HMGA2: variants seen among roughly 807,000 people sequenced by gnomAD.
The protein encoded by HMGA2 is high mobility group protein HMGI-C.
A neutral mutation model predicts 19.1 loss-of-function variants in HMGA2; 8 were observed. That is an observed-to-expected ratio of 0.42 (90% CI 0.25 to 0.76). The LOEUF is 0.76. HMGA2 is among the 30% of genes least tolerant of loss of function. The pLI, the probability that HMGA2 is intolerant of heterozygous loss-of-function variation, is 0.28. For missense variants in HMGA2, 109 were observed against 136.3 expected (o/e 0.80, Z 1.00); for synonymous variants, 60 against 48.8 (o/e 1.23, Z -0.96).
intron 3 of HMGA2, among the ~76,000 whole-genome samples, chr12:65,862,719 G>A (rs1467906261): frequency 6.6e-6 from 1 of 152,188 alleles, no homozygotes; most frequent in Non-Finnish European, 1.5e-5. Context: ...CATGTACTTA[G>A]TGTGTGTGAA....
At chr12:65,955,183 A>AAAAG (rs938899346) in intron 4 of HMGA2, 10 of 152,136 alleles carry the variant, frequency 6.6e-5, no homozygotes, top group Middle Eastern at 3.2e-3. Context: ...ACTCCATCTC[A>AAAAG]AAAGAAAGAA....
At chr12:65,909,528 A>G (rs991571764) in intron 3 of HMGA2, among the ~76,000 whole-genome samples, 3 of 152,180 alleles carry the variant, frequency 2.0e-5, no homozygotes, top group African/African-American at 7.2e-5. Flanking sequence ...GAGAATGAAA[A>G]ATATCTAAAG....
chr12:65,918,248 G>A (rs763942248), intron 3 of HMGA2, among the ~76,000 whole-genome samples: 34 of 152,100 alleles, frequency 2.2e-4, no homozygotes, highest in East Asian at 1.9e-4. Flanking sequence ...TTTCATTTTC[G>A]TAAGAGTACC....
intron 2 of HMGA2, among the ~76,000 whole-genome samples, chr12:65,835,069 G>A (rs1334178953): frequency 6.6e-6 from 1 of 152,156 alleles, no homozygotes; most frequent in African/African-American, 2.4e-5. Flanking sequence ...CTCTCTTGAT[G>A]TGAGCAATAA....
intron 2 of HMGA2, chr12:65,830,752 G>A (rs1485080835): frequency 6.6e-6 from 1 of 151,886 alleles, no homozygotes; most frequent in Non-Finnish European, 1.5e-5. Context: ...GCAAGACCAA[G>A]TGAATGACTA....
intron 3 of HMGA2, among the ~76,000 whole-genome samples, chr12:65,928,166 C>A (rs1875581255): frequency 6.6e-6 from 1 of 152,080 alleles, no homozygotes; most frequent in African/African-American, 2.4e-5. Context: ...CATCCCATTG[C>A]TCCTAAGCTA....
At chr12:65,881,811 G>C in intron 3 of HMGA2, 1 of 703,086 alleles carries the variant, frequency 1.4e-6, no homozygotes. Flanking sequence ...TTGCGCGCAA[G>C]TGGTGGGATG....
rs185358814 is a variant in HMGA2, at chr12:65,834,956, C to G, written c.199-3563C>G. Among the ~76,000 whole-genome samples the G allele has an allele frequency of 3.5e-4, 54 of 152,240 alleles. No individual in the cohort carries two copies. In the East Asian group the frequency reaches 9.8e-3, roughly 28 times the overall value. On this transcript the variant is annotated intron_variant, in intron 2 of 4. Coordinates refer to ENST00000403681, the MANE Select transcript of HMGA2 (RefSeq NM_003483.6). ...GAGGGCAAACAAGGGAGAAATGACA[C>G]TTTTAATGAGATATGATTGTTGTAA...
intron 4 of HMGA2, among the ~76,000 whole-genome samples, chr12:65,960,825 G>T (rs1876732353): frequency 6.6e-6 from 1 of 152,162 alleles, no homozygotes; most frequent in Non-Finnish European, 1.5e-5. Flanking sequence ...ATTGTCTTAA[G>T]GACAGTTAAG....
At chr12:65,962,760 G>A (rs1254484720) in intron 4 of HMGA2, among the ~76,000 whole-genome samples, 1 of 152,114 alleles carries the variant, frequency 6.6e-6, no homozygotes, top group African/African-American at 2.4e-5. Context: ...AACAGAAGGT[G>A]CCTAAGCATC....
intron 3 of HMGA2, among the ~76,000 whole-genome samples, chr12:65,868,920 A>G (rs1872570318): frequency 6.6e-6 from 1 of 152,246 alleles, no homozygotes; most frequent in East Asian, 1.9e-4. Context: ...AGACAAGGTC[A>G]TATTATAAAC....
Position 65,824,727 on chromosome 12 carries a change from C to CTCTCTGTCTCTCTCTG in HMGA2, c.-539_-538insGTCTCTCTCTGTCTCT, listed in dbSNP as rs1477057958. The stretch of plus-strand genomic sequence containing the variant: ...ATCTCAATCTCTTCTCTCTCTCTCT[C>CTCTCTGTCTCTCTCTG]TCTCTCTCTCTCTCTCTCTCTCTCT... On this transcript the variant is annotated 5_prime_UTR_variant, in exon 1 of 5. Coordinates refer to ENST00000403681, the MANE Select transcript of HMGA2 (RefSeq NM_003483.6). 1 of 172,004 alleles carries CTCTCTGTCTCTCTCTG rather than the reference C, an allele frequency of 5.8e-6. No individual in the cohort carries two copies. Among genetic ancestry groups the CTCTCTGTCTCTCTCTG allele is most frequent in the Admixed American group, 7.1e-5 (1 of 14,002 alleles). 10.7% of individuals were successfully genotyped at this position (172,004 alleles called of 1,614,324 possible).
chr12:65,845,843 C>T (rs939764323), intron 3 of HMGA2, among the ~76,000 whole-genome samples: 1 of 152,150 alleles, frequency 6.6e-6, no homozygotes, highest in Non-Finnish European at 1.5e-5. Context: ...AACACAAAAA[C>T]CTTTATTGCT....
intron 3 of HMGA2, among the ~76,000 whole-genome samples, chr12:65,905,893 T>G (rs757068988): frequency 5.9e-5 from 9 of 152,136 alleles, no homozygotes; most frequent in Non-Finnish European, 2.9e-5. Context: ...AAATATAGAG[T>G]CTCATTTAGA....
Position 65,824,713 on chromosome 12 carries a change from T to TTCTCTTCTC in HMGA2, c.-553_-552insTCTCTCTCT. ...CCAAGGCACTTTCAATCTCAATCTC[T>TTCTCTTCTC]TCTCTCTCTCTCTCTCTCTCTCTCT... On this transcript the variant is annotated 5_prime_UTR_variant, in exon 1 of 5. Transcript: ENST00000403681. 1.4e-5 allele frequency: 2 copies of TTCTCTTCTC among 141,660 alleles called. No individual in the cohort carries two copies. The highest frequency in any genetic ancestry group is 1.6e-4 in the East Asian group (2 of 12,492). The allele number at this position is 141,660 out of a possible 1,614,324, so 8.8% of individuals were successfully genotyped here.
chr12:65,883,694 T>C (rs543208382), intron 3 of HMGA2, among the ~76,000 whole-genome samples: 5 of 152,248 alleles, frequency 3.3e-5, no homozygotes, highest in South Asian at 2.1e-4. Context: ...GCCACTTCTT[T>C]GAAAATTGTA....
intron 3 of HMGA2, among the ~76,000 whole-genome samples, chr12:65,910,213 T>C (rs1874785396): frequency 6.6e-6 from 1 of 152,192 alleles, no homozygotes; most frequent in East Asian, 1.9e-4. Context: ...CTCCTTTCTC[T>C]GCCCTTAGTC....
At chr12:65,959,498 G>A (rs1437808810) in intron 4 of HMGA2, among the ~76,000 whole-genome samples, 6 of 152,170 alleles carry the variant, frequency 3.9e-5, no homozygotes, top group Admixed American at 1.3e-4. Flanking sequence ...TTTCGGCCCG[G>A]TACCTCACTT....
chr12:65,913,118 T>G (rs1874915665), intron 3 of HMGA2, among the ~76,000 whole-genome samples: 2 of 152,210 alleles, frequency 1.3e-5, no homozygotes, highest in South Asian at 4.1e-4. Flanking sequence ...ATTAATTACT[T>G]ATAATCATGA....
Sources: gnomAD v4.1 joint callset for allele counts (sites outside exome capture counted in the v4.1 genomes callset) on GRCh38, gnomAD v4.1.1 for gene constraint, MANE v1.5 for transcripts, NCBI Gene and HGNC (gene_info 2026-07-23, HGNC 2026-07-21) for gene names.